LGI4: variants seen among roughly 807,000 people sequenced by gnomAD.
LGI4 encodes the protein leucine rich repeat LGI family member 4, also known as leucine-rich repeat LGI family member 4.
A neutral mutation model predicts 48.3 loss-of-function variants in LGI4; 36 were observed. The ratio of observed to expected loss-of-function variants is 0.75; its 90% CI spans 0.57 to 0.98. The LOEUF is 0.98. Ranked by LOEUF, LGI4 falls within the 50% of genes least tolerant of loss-of-function variation. The pLI is 0.00. For synonymous variants in LGI4, 355 were observed against 331.6 expected, an observed-to-expected ratio of 1.07 and a Z score of -0.77; for missense variants, 701 against 732.1, an observed-to-expected ratio of 0.96 and a Z score of 0.49.
rs1331635316 is a variant in LGI4 at position 35,131,528 on chromosome 19, A to T, written c.486T>A (p.Cys162Ter). Residue 162 changes from cysteine to a stop codon, truncating the protein, a stop_gained, in exon 6 of 9, where the codon TGT becomes TGA. Coordinates refer to ENST00000310123, the MANE Select transcript of LGI4 (RefSeq NM_139284.3). LOFTEE classifies it high-confidence loss of function. Reference sequence around the variant, plus strand: ...GCAGGAGCCAGAGGACGCGGCAGTCACACTGGAACGGGTTCCCGCGGAGGT... The same window carrying T: ...GCAGGAGCCAGAGGACGCGGCAGTCTCACTGGAACGGGTTCCCGCGGAGGT... Reference protein sequence around the residue: ...HVDLRGNPFQCDCRVLWLLQW... With the variant: ...HVDLRGNPFQ 3 of 1,550,998 alleles carry T rather than the reference A, an allele frequency of 1.9e-6. No homozygotes were observed. The highest frequency in any genetic ancestry group is 2.0e-5 in the Admixed American group (1 of 50,942).
In LGI4 at chr19:35,125,320, G is replaced by A; in HGVS notation, c.1487C>T (p.Pro496Leu). The change falls in exon 9 of 9, where the codon CCT becomes CTT. Residue 496 changes from proline (P) to leucine (L), a missense_variant. Pro to Leu is a moderately conservative substitution (Grantham distance 98). Coordinates refer to ENST00000310123, the MANE Select transcript of LGI4 (RefSeq NM_139284.3). The part of the protein sequence containing the change: ...GLLEPLQELG[P>L]PALVAPRAFA... Reference sequence around the variant, plus strand: ...GGCACGGGGGGCCACCAGGGCCGGAGGCCCCAGCTCCTGCAGTGGCTCCAG... The same window carrying A: ...GGCACGGGGGGCCACCAGGGCCGGAAGCCCCAGCTCCTGCAGTGGCTCCAG... 6.2e-7 allele frequency: 1 copy of A among 1,612,050 alleles called. No individual in the cohort carries two copies. The highest frequency in any genetic ancestry group is 8.5e-7 in the Non-Finnish European group (1 of 1,178,792).
At chr19:35,128,010 C>T (rs544060375) in intron 6 of LGI4, among the ~76,000 whole-genome samples, 1 of 152,294 alleles carries the variant, frequency 6.6e-6, no homozygotes, top group Non-Finnish European at 1.5e-5. Flanking sequence ...GGAACAAGGG[C>T]AGATGTGATG....
Position 35,126,177 on chromosome 19 carries a change from G to C in LGI4, c.1299+93C>G, listed in dbSNP as rs1297555906. ...GGGGTGGGGTCCTGGTTCAAAGGTC[G>C]GCATGTGAGGGTAGGTCAGAGTTTA... On this transcript the variant is annotated intron_variant, in intron 8 of 8. Transcript: ENST00000310123. 5 of 1,390,466 alleles carry C rather than the reference G, an allele frequency of 3.6e-6. No individual in the cohort carries two copies. In the Admixed American group the frequency reaches 8.1e-5, roughly 23 times the overall value. The allele number at this position is 1,390,466 out of a possible 1,614,324, so 86.1% of individuals were successfully genotyped here.
At chr19:35,131,577 G>C (rs962527675) in intron 5 of LGI4, 22 bp from the exon 6 acceptor site, 13 of 1,545,474 alleles carry the variant, frequency 8.4e-6, no homozygotes, top group Non-Finnish European at 1.0e-5. Context: ...GGCCAGGGAG[G>C]GGCTGCGACC....
At chr19:35,130,990 C>G (rs867977818) in intron 6 of LGI4, 6 of 545,758 alleles carry the variant, frequency 1.1e-5, no homozygotes, top group Middle Eastern at 4.8e-4. Flanking sequence ...TCCTAAAAGG[C>G]AACAAAATCT....
Position 35,124,796 on chromosome 19 carries a change from C to A in LGI4, c.*397G>T, listed in dbSNP as rs971476622. ...GAATGGGAAAGGAATGCCATCAACC[C>A]CTCGGTGCTTTCAGAGGGACCAGCG... On this transcript the variant is annotated 3_prime_UTR_variant, in exon 9 of 9. Transcript: ENST00000310123. 2.9e-5 allele frequency: 5 copies of A among 170,818 alleles called. No homozygotes were observed. The highest frequency in any genetic ancestry group is 6.2e-5 in the Non-Finnish European group (5 of 81,068). 10.6% of individuals were successfully genotyped at this position (170,818 alleles called of 1,614,324 possible).
rs755018959 is a variant in LGI4 at position 35,125,311 on chromosome 19, A to T, written c.1496T>A (p.Leu499Gln). The change falls in exon 9 of 9, where the codon CTG (leucine) becomes CAG (glutamine). Residue 499 changes from leucine to glutamine, a missense_variant. Leu to Gln is a moderately radical substitution (Grantham distance 113). Transcript: ENST00000310123. Reference protein sequence around the residue: ...EPLQELGPPALVAPRAFAHIT... With the variant: ...EPLQELGPPAQVAPRAFAHIT... The stretch of plus-strand genomic sequence containing the variant: ...GTGGGCAAAGGCACGGGGGGCCACC[A>T]GGGCCGGAGGCCCCAGCTCCTGCAG... The T allele has an allele frequency of 2.4e-5, 38 of 1,611,564 alleles. No individual in the cohort carries two copies. Among genetic ancestry groups the T allele is most frequent in the Non-Finnish European group, 3.2e-5 (38 of 1,178,532 alleles).
At chr19:35,132,493 C>T (rs564605110) in intron 3 of LGI4, among the ~76,000 whole-genome samples, 2 of 151,956 alleles carry the variant, frequency 1.3e-5, no homozygotes, top group African/African-American at 4.8e-5. Flanking sequence ...CCTCCAGCAT[C>T]ATCTGTAATG....
intron 6 of LGI4, among the ~76,000 whole-genome samples, chr19:35,130,552 C>T (rs1156950930): frequency 6.6e-6 from 1 of 152,124 alleles, no homozygotes; most frequent in Non-Finnish European, 1.5e-5. Flanking sequence ...AAAAAATTAG[C>T]CAGGCACAGT....
intron 6 of LGI4, among the ~76,000 whole-genome samples, chr19:35,129,978 A>G (rs997847609): frequency 6.6e-6 from 1 of 152,066 alleles, no homozygotes; most frequent in African/African-American, 2.4e-5. Context: ...GCTACTCTTT[A>G]CTGCACTGAG....
intron 1 of LGI4, 135 bp downstream of exon 1, chr19:35,134,376 C>T (rs1041744133): frequency 8.4e-6 from 8 of 947,268 alleles, no homozygotes; most frequent in East Asian, 5.2e-5. Context: ...CAAGGCATCC[C>T]GACAGGCTTT....
In LGI4 at chr19:35,126,723, C is replaced by T; in HGVS notation, c.846G>A (p.Val282=). ...KPLVLGPSLF[V]LAARLWGGSQ... ...AGCCCCCCCACAGGCGGGCAGCCAGCACGAAGAGGCTCGGGCCCAGCACCA... is the reference window on the plus strand; with the variant it reads ...AGCCCCCCCACAGGCGGGCAGCCAGTACGAAGAGGCTCGGGCCCAGCACCA... Residue 282 remains valine, a synonymous_variant, in exon 8 of 9, where the codon GTG becomes GTA. Coordinates refer to ENST00000310123, the MANE Select transcript of LGI4 (RefSeq NM_139284.3). The T allele has an allele frequency of 6.5e-7, 1 of 1,541,230 alleles. No individual in the cohort carries two copies. The highest frequency in any genetic ancestry group is 1.2e-5 in the South Asian group (1 of 84,310).
In LGI4 at chr19:35,126,628, A is replaced by C; in HGVS notation, c.941T>G (p.Leu314Arg). The C allele has an allele frequency of 6.5e-7, 1 of 1,540,566 alleles. No individual in the cohort carries two copies. The highest frequency in any genetic ancestry group is 8.7e-7 in the Non-Finnish European group (1 of 1,149,140). The change falls in exon 8 of 9, where the codon CTG (leucine) becomes CGG (arginine). Residue 314 changes from leucine (L) to arginine (R), a missense_variant. Physicochemically the swap from Leu to Arg is moderately radical, Grantham distance 102. Coordinates refer to ENST00000310123, the MANE Select transcript of LGI4 (RefSeq NM_139284.3). ...APTQTLAPRR[L>R]LRPNDAELLW... is the part of the protein sequence containing the mutation. The stretch of plus-strand genomic sequence containing the variant: ...GAGCTCGGCGTCATTGGGCCGCAGC[A>C]GCCGCCGCGGGGCCAGGGTCTGCGT...
chr19:35,132,316 A>G (rs1400366119), intron 3 of LGI4, among the ~76,000 whole-genome samples: 1 of 151,898 alleles, frequency 6.6e-6, no homozygotes, highest in Non-Finnish European at 1.5e-5. Context: ...CAAATCACCA[A>G]TACCTCCAGC....
In LGI4 at chr19:35,126,555, C is replaced by T; in HGVS notation, c.1014G>A (p.Lys338=). 6.5e-7 allele frequency: 1 copy of T among 1,540,382 alleles called. No individual in the cohort carries two copies. Among genetic ancestry groups the T allele is most frequent in the South Asian group, 1.2e-5 (1 of 84,274 alleles). ...QPCFVVADAS[K]AGSTTLLCRD... The stretch of plus-strand genomic sequence containing the variant: ...GGCACAGCAGCGTGGTGCTGCCCGC[C>T]TTGGAGGCATCGGCCACCACGAAGC... The change falls in exon 8 of 9, where the codon AAG becomes AAA. Residue 338 remains lysine (K), a synonymous_variant. Coordinates refer to ENST00000310123, the MANE Select transcript of LGI4 (RefSeq NM_139284.3).
Position 35,126,978 on chromosome 19 carries a change from C to T in LGI4, c.668G>A (p.Ser223Asn). 1.2e-6 allele frequency: 2 copies of T among 1,610,594 alleles called. No homozygotes were observed. The highest frequency in any genetic ancestry group is 1.7e-6 in the Non-Finnish European group (2 of 1,177,898). The change falls in exon 7 of 9, where the codon AGC becomes AAC. Residue 223 changes from serine to asparagine, a missense_variant. By Grantham distance (46) the Ser-to-Asn change is conservative. Transcript: ENST00000310123. ...WFQTVGESALSVEPFSYQGEP... is the reference protein window; with the variant it reads ...WFQTVGESALNVEPFSYQGEP... ...CCCTTGGTAGGAGAAGGGCTCTACG[C>T]TCAGTGCCGACTCCCCCACCGTCTG...
chr19:35,131,070 C>T, intron 6 of LGI4: 2 of 591,896 alleles, frequency 3.4e-6, no homozygotes, highest in Non-Finnish European at 6.0e-6. Context: ...CAATACTTGG[C>T]ACTTAACGAA....
At chr19:35,131,917 G>A in intron 4 of LGI4, 54 bp downstream of exon 4, 1 of 1,566,148 alleles carries the variant, frequency 6.4e-7, no homozygotes, top group Non-Finnish European at 8.7e-7. Context: ...GTGTTCCCTG[G>A]GGGGTGGAGC....
intron 6 of LGI4, among the ~76,000 whole-genome samples, chr19:35,128,076 C>A (rs1339934307): frequency 6.6e-6 from 1 of 152,226 alleles, no homozygotes; most frequent in African/African-American, 2.4e-5. Context: ...TCTCCTTTCC[C>A]ACCACGTGGG....
Sources: allele counts gnomAD v4.1 joint callset (sites outside exome capture counted in the v4.1 genomes callset), GRCh38; gene constraint gnomAD v4.1.1; transcripts MANE v1.5; gene names NCBI Gene and HGNC (gene_info 2026-07-23, HGNC 2026-07-21).